DPYSL5: variants seen among roughly 807,000 people sequenced by gnomAD.
DPYSL5 encodes dihydropyrimidinase like 5.
DPYSL5 carries 9 observed loss-of-function variants against 58.4 expected under a neutral mutation model. The ratio of observed to expected loss-of-function variants is 0.15; its 90% CI spans 0.09 to 0.27. DPYSL5 has a LOEUF of 0.27. DPYSL5 is among the 10% of genes least tolerant of loss of function. The probability of loss-of-function intolerance (pLI) is 1.00; values close to 1 mark genes in which losing one functional copy is unlikely to be tolerated. For synonymous variants in DPYSL5, 293 were observed against 301.9 expected (o/e 0.97, Z 0.31); for missense variants, 499 against 770.6 (o/e 0.65, Z 4.17).
At position 26,904,455 on chromosome 2, in the gene DPYSL5, A is replaced by G. The variant is rs535228215; in HGVS notation, c.261+5695A>G. ...TTCTTTCCCGTCTTTAAGCTCTGCA[A>G]TGACACTTCCTGCTCATGGGGATCC... On this transcript the variant is annotated intron_variant, in intron 2 of 12. Coordinates refer to ENST00000288699, the MANE Select transcript of DPYSL5 (RefSeq NM_020134.4). Among the ~76,000 whole-genome samples the G allele has an allele frequency of 1.5e-4, 23 of 152,286 alleles. 1 individual carries two copies. In the Middle Eastern group the frequency reaches 0.01, roughly 68 times the overall value.
intron 1 of DPYSL5, chr2:26,848,599 G>C (rs1453068203): frequency 1.3e-5 from 2 of 152,564 alleles, no homozygotes; most frequent in Non-Finnish European, 2.9e-5. Flanking sequence ...CGCTTTCCTA[G>C]CCGGGCGCGG....
chr2:26,890,001 G>A (rs1663832229), intron 1 of DPYSL5, among the ~76,000 whole-genome samples: 1 of 152,230 alleles, frequency 6.6e-6, no homozygotes, highest in South Asian at 2.1e-4. Flanking sequence ...ATTGGACGGG[G>A]TTAGCATCTT....
At chr2:26,913,229 T>A (rs1664485563) in intron 2 of DPYSL5, among the ~76,000 whole-genome samples, 1 of 152,142 alleles carries the variant, frequency 6.6e-6, no homozygotes, top group African/African-American at 2.4e-5. Context: ...TTGATGAGGG[T>A]GAATGAATAA....
chr2:26,907,933 GATGT>G (rs1275113524), intron 2 of DPYSL5, among the ~76,000 whole-genome samples: 3 of 152,152 alleles, frequency 2.0e-5, no homozygotes, highest in Admixed American at 6.5e-5. Context: ...CCAAGAAATG[GATGT>G]CAGCATGGAG....
rs1558351540 is a variant in DPYSL5 at position 26,932,184 on chromosome 2, AAAG to A, written c.714+503_714+505del. On this transcript the variant is annotated intron_variant, in intron 6 of 12. Transcript: ENST00000288699. Reference sequence around the variant, plus strand: ...GAAAGAAAGAAAGAAAGAAAGAAAGAAAGAAAGAAAGAAAGAAAGAAAGAAAAG... The same window carrying A: ...GAAAGAAAGAAAGAAAGAAAGAAAGAAAAGAAAGAAAGAAAGAAAGAAAAG... Among the ~76,000 whole-genome samples, 38 of 75,906 alleles carry A rather than the reference AAAG, an allele frequency of 5.0e-4. 1 individual carries two copies. The highest frequency in any genetic ancestry group is 7.6e-4 in the Admixed American group (6 of 7,930). The allele number at this position is 75,906 out of a possible 152,430, so 49.8% of individuals were successfully genotyped here.
chr2:26,919,981 C>T (rs886606492), intron 2 of DPYSL5, among the ~76,000 whole-genome samples: 3 of 151,786 alleles, frequency 2.0e-5, no homozygotes, highest in African/African-American at 4.8e-5. Context: ...AAGCAAGTTG[C>T]AAAAGAATAT....
In DPYSL5 at chr2:26,933,435, C is replaced by A; in HGVS notation, c.790+102C>A. 1 of 1,105,546 alleles carries A rather than the reference C, an allele frequency of 9.0e-7. No individual in the cohort carries two copies. The highest frequency in any genetic ancestry group is 1.4e-6 in the Non-Finnish European group (1 of 740,466). 68.5% of individuals were successfully genotyped at this position (1,105,546 alleles called of 1,614,324 possible). A position where few individuals can be genotyped will look rare whatever the true frequency, so the allele number is the denominator to read the frequency against. On this transcript the variant is annotated intron_variant, in intron 7 of 12. Transcript: ENST00000288699. The surrounding 1 kb of genome is among the most constrained non-coding windows in gnomAD (Gnocchi z 4.2). ...CACTCCTGGCCCCGGCTCCTGAAACCAGGACCTGAGCCAGCCCTTCCCTTT... is the reference window on the plus strand; with the variant it reads ...CACTCCTGGCCCCGGCTCCTGAAACAAGGACCTGAGCCAGCCCTTCCCTTT...
rs775963110 is a variant in DPYSL5 at position 26,947,030 on chromosome 2, G to A, written c.*35G>A. The A allele has an allele frequency of 2.3e-5, 34 of 1,506,820 alleles. No homozygotes were observed. The highest frequency in any genetic ancestry group is 8.3e-5 in the African/African-American group (6 of 72,676). The allele number at this position is 1,506,820 out of a possible 1,614,324, so 93.3% of individuals were successfully genotyped here. A position where few individuals can be genotyped will look rare whatever the true frequency, so the allele number is the denominator to read the frequency against. On this transcript the variant is annotated 3_prime_UTR_variant, in exon 13 of 13. Coordinates refer to ENST00000288699, the MANE Select transcript of DPYSL5 (RefSeq NM_020134.4). This position sits in a 1 kb window ranked among gnomAD's most constrained non-coding sequence, Gnocchi z 4.2. ...CAAGCCCCCCGAGTGAGGACGCACC[G>A]CCGCCACCAGCCCGCAACTCTCCAG...
chr2:26,880,363 C>G (rs1417057845), intron 1 of DPYSL5, among the ~76,000 whole-genome samples: 1 of 152,214 alleles, frequency 6.6e-6, no homozygotes, highest in Non-Finnish European at 1.5e-5. Context: ...CCCTCCCTGT[C>G]TCCAGTCAAC....
chr2:26,851,378 C>T (rs1223072185), intron 1 of DPYSL5, among the ~76,000 whole-genome samples: 1 of 48,206 alleles, frequency 2.1e-5, no homozygotes, highest in Non-Finnish European at 3.9e-5. Context: ...TCTCTAGGTG[C>T]AAACATTAGC....
rs1044651179 is a variant in DPYSL5 at position 26,919,095 on chromosome 2, C to T, written c.262-5792C>T. 9.2e-5 allele frequency among the ~76,000 whole-genome samples: 14 copies of T among 152,128 alleles called. No homozygotes were observed. In the South Asian group the frequency reaches 1.5e-3, roughly 16 times the overall value. ...TCCTGATAAAGCTGGAAGTGACCAA[C>T]GCATTGTTCTCTCCAATGCCGTGAT... is the stretch of plus-strand genomic sequence containing the variant. On this transcript the variant is annotated intron_variant, in intron 2 of 12. Transcript: ENST00000288699.
At chr2:26,938,192 A>G (rs6759548) in intron 8 of DPYSL5, among the ~76,000 whole-genome samples, 90,814 of 152,112 alleles carry the variant, frequency 0.6, 27,475 homozygotes, top group East Asian at 0.68. Context: ...CGTCATTCAC[A>G]GCTGCTTAGT....
intron 1 of DPYSL5, among the ~76,000 whole-genome samples, chr2:26,888,233 C>CTT (rs1281583752): frequency 5.7e-5 from 8 of 140,436 alleles, no homozygotes; most frequent in African/African-American, 2.2e-4. Context: ...TTCTTTCTTT[C>CTT]TTTCTTTCTT....
chr2:26,924,246 C>T lies in DPYSL5; in HGVS notation c.262-641C>T, dbSNP rs1572709183. 6.6e-6 allele frequency among the ~76,000 whole-genome samples: 1 copy of T among 152,084 alleles called. No homozygotes were observed. Among genetic ancestry groups the T allele is most frequent in the African/African-American group, 2.4e-5 (1 of 41,394 alleles). ...AATCACACATGCATCTAAAAAATGC[C>T]TGTCTCAAACAAGATAGATGAAAAT... On this transcript the variant is annotated intron_variant, in intron 2 of 12. Transcript: ENST00000288699. The surrounding 1 kb of genome is among the most constrained non-coding windows in gnomAD (Gnocchi z 4.7).
intron 2 of DPYSL5, among the ~76,000 whole-genome samples, chr2:26,912,180 T>A (rs1167438549): frequency 6.6e-6 from 1 of 152,240 alleles, no homozygotes; most frequent in Non-Finnish European, 1.5e-5. Flanking sequence ...CTCGGGCAGA[T>A]CTTATCATCC....
intron 1 of DPYSL5, among the ~76,000 whole-genome samples, chr2:26,894,792 T>G (rs899061090): frequency 6.6e-6 from 1 of 152,204 alleles, no homozygotes; most frequent in African/African-American, 2.4e-5. Context: ...CAAACTTGCC[T>G]TCAGTCAGAG....
chr2:26,900,481 C>T lies in DPYSL5; in HGVS notation c.261+1721C>T, dbSNP rs563959067. On this transcript the variant is annotated intron_variant, in intron 2 of 12. Coordinates refer to ENST00000288699, the MANE Select transcript of DPYSL5 (RefSeq NM_020134.4). ...TACCACATAGCAATTATCTCTCTGT[C>T]AGTGGCCATTTAGGTCATTGCTTGT... Among the ~76,000 whole-genome samples the T allele has an allele frequency of 4.6e-5, 7 of 152,304 alleles. No individual in the cohort carries two copies. The East Asian group carries it at 1.4e-3, about 29-fold the overall frequency.
At chr2:26,918,582 T>C (rs1470506642) in intron 2 of DPYSL5, among the ~76,000 whole-genome samples, 2 of 152,116 alleles carry the variant, frequency 1.3e-5, no homozygotes, top group Admixed American at 1.3e-4. Flanking sequence ...GGCAGATCCA[T>C]CCGAACAAAT....
At position 26,934,594 on chromosome 2, in the gene DPYSL5, G is replaced by A. The variant is rs571832013; in HGVS notation, c.807G>A (p.Ala269=). 159 of 1,612,672 alleles carry A rather than the reference G, an allele frequency of 9.9e-5. 1 individual carries two copies. Among genetic ancestry groups the A allele is most frequent in the Admixed American group, 2.8e-4 (17 of 60,004 alleles). ...AAKMQGKVVL[A]ETTTAHATLT... ...TTCTTCCAGGGAAGGTTGTGCTGGC[G>A]GAGACCACCACTGCACATGCCACGC... Residue 269 remains alanine, a synonymous_variant, in exon 8 of 13, where the codon GCG becomes GCA. Transcript: ENST00000288699. This position sits in a 1 kb window ranked among gnomAD's most constrained non-coding sequence, Gnocchi z 4.3.
Sources: allele counts gnomAD v4.1 joint callset (sites outside exome capture counted in the v4.1 genomes callset), GRCh38; gene constraint gnomAD v4.1.1; non-coding constraint Gnocchi (gnomAD v3.1); transcripts MANE v1.5; gene names NCBI Gene and HGNC (gene_info 2026-07-23, HGNC 2026-07-21).